The following ANO2 variants were observed in gnomAD, a reference collection of about 807,000 sequenced individuals.
ANO2 encodes anoctamin-2.
In ANO2, 101 loss-of-function variants were observed where a neutral mutation model predicts 124.2. The observed-to-expected ratio is 0.81, with a 90% CI of 0.69 to 0.96. The LOEUF is 0.96. Ranked by LOEUF, ANO2 falls within the 40% of genes least tolerant of loss-of-function variation. The pLI is 0.00. For synonymous variants in ANO2, 486 were observed against 482.5 expected, an observed-to-expected ratio of 1.01 and a Z score of -0.09; for missense variants, 1,293 against 1,274.5, an observed-to-expected ratio of 1.01 and a Z score of -0.22.
chr12:5,801,534 G>C (rs866651748), intron 9 of ANO2, among the ~76,000 whole-genome samples: 1 of 152,200 alleles, frequency 6.6e-6, no homozygotes, highest in South Asian at 2.1e-4. Flanking sequence ...GAGCCATCCT[G>C]TTTACCTAAG....
intron 10 of ANO2, among the ~76,000 whole-genome samples, chr12:5,764,102 A>T (rs1462234530): frequency 6.7e-6 from 1 of 149,826 alleles, no homozygotes; most frequent in Non-Finnish European, 1.5e-5. Flanking sequence ...GGAGAGACAT[A>T]AGAGGTAACA....
chr12:5,626,535 C>T (rs1945416559), intron 16 of ANO2, among the ~76,000 whole-genome samples: 1 of 152,086 alleles, frequency 6.6e-6, no homozygotes, highest in Non-Finnish European at 1.5e-5. Context: ...GGAGTGAGAC[C>T]CAAGGAGCGA....
At chr12:5,828,048 C>T (rs924643169) in intron 6 of ANO2, among the ~76,000 whole-genome samples, 1 of 152,176 alleles carries the variant, frequency 6.6e-6, no homozygotes, top group Non-Finnish European at 1.5e-5. Context: ...CCCGCCCCTT[C>T]GCCCCACCCT....
intron 14 of ANO2, among the ~76,000 whole-genome samples, chr12:5,702,715 T>G (rs1246678971): frequency 6.6e-6 from 1 of 152,194 alleles, no homozygotes. Flanking sequence ...TAGAATAGCT[T>G]TATGATCTTG....
intron 20 of ANO2, among the ~76,000 whole-genome samples, chr12:5,578,961 A>C (rs987641561): frequency 6.6e-6 from 1 of 152,230 alleles, no homozygotes; most frequent in Non-Finnish European, 1.5e-5. Flanking sequence ...GCACATCAAC[A>C]AGTGGGCTTG....
At chr12:5,655,385 T>A (rs1947105668) in intron 14 of ANO2, among the ~76,000 whole-genome samples, 1 of 152,192 alleles carries the variant, frequency 6.6e-6, no homozygotes, top group Non-Finnish European at 1.5e-5. Flanking sequence ...CCGCAGGACT[T>A]GTTAAAACAG....
chr12:5,668,608 T>C (rs1484874160), intron 14 of ANO2, among the ~76,000 whole-genome samples: 4 of 152,240 alleles, frequency 2.6e-5, no homozygotes, highest in Admixed American at 6.5e-5. Context: ...AATTTTGTCA[T>C]GAAATCTTTG....
At chr12:5,909,837 C>A (rs1940941310) in intron 3 of ANO2, among the ~76,000 whole-genome samples, 1 of 152,114 alleles carries the variant, frequency 6.6e-6, no homozygotes. Context: ...AAGGCTTCTC[C>A]TAGGCTTTGG....
intron 19 of ANO2, among the ~76,000 whole-genome samples, chr12:5,602,247 C>G (rs1033965715): frequency 1.4e-5 from 2 of 143,358 alleles, no homozygotes; most frequent in Non-Finnish European, 3.1e-5. Flanking sequence ...ATTAATTGAT[C>G]TAGGAACTCT....
At chr12:5,648,660 T>C (rs1946763136) in intron 14 of ANO2, among the ~76,000 whole-genome samples, 1 of 152,198 alleles carries the variant, frequency 6.6e-6, no homozygotes, top group South Asian at 2.1e-4. Flanking sequence ...GGCACTTGAT[T>C]TCTCTGAGCT....
At chr12:5,865,658 C>T (rs1955404287) in intron 3 of ANO2, among the ~76,000 whole-genome samples, 2 of 151,958 alleles carry the variant, frequency 1.3e-5, no homozygotes, top group Non-Finnish European at 2.9e-5. Context: ...ATCATGCATT[C>T]ACGCTATCGT....
chr12:5,756,418 CT>C (rs1262898472), intron 10 of ANO2, among the ~76,000 whole-genome samples: 1 of 152,094 alleles, frequency 6.6e-6, no homozygotes, highest in Non-Finnish European at 1.5e-5. Flanking sequence ...ATTCCTGATT[CT>C]TTGTGATCCT....
chr12:5,839,552 A>G (rs1307086186), intron 4 of ANO2: 2 of 455,844 alleles, frequency 4.4e-6, no homozygotes, highest in East Asian at 1.4e-4. Context: ...GGCTCTGAAC[A>G]TTTAATGAAA....
intron 20 of ANO2, among the ~76,000 whole-genome samples, chr12:5,584,922 A>G (rs944196714): frequency 2.0e-5 from 3 of 152,150 alleles, no homozygotes; most frequent in African/African-American, 4.8e-5. Flanking sequence ...AGCACATTCT[A>G]TATACTGGAG....
intron 4 of ANO2, among the ~76,000 whole-genome samples, chr12:5,836,492 A>G (rs1200280461): frequency 6.6e-6 from 1 of 152,196 alleles, no homozygotes; most frequent in Non-Finnish European, 1.5e-5. Flanking sequence ...CAGTCTCTAC[A>G]CTGGAGCCCA....
intron 9 of ANO2, among the ~76,000 whole-genome samples, chr12:5,803,210 C>T (rs1333491899): frequency 1.3e-5 from 2 of 152,176 alleles, no homozygotes. Context: ...CCAGATGCCA[C>T]ACTGACCTAT....
chr12:5,828,353 G>A (rs369298666), intron 6 of ANO2, among the ~76,000 whole-genome samples: 8 of 152,314 alleles, frequency 5.3e-5, no homozygotes, highest in African/African-American at 1.7e-4. Context: ...AGAGGGTCCT[G>A]AGCAAACGCC....
chr12:5,849,912 C>G (rs1462636114), intron 4 of ANO2, among the ~76,000 whole-genome samples: 2 of 152,130 alleles, frequency 1.3e-5, no homozygotes, highest in Non-Finnish European at 2.9e-5. Flanking sequence ...CACTAGCCCT[C>G]CACAGACAGC....
intron 14 of ANO2, among the ~76,000 whole-genome samples, chr12:5,693,086 T>C (rs1949014578): frequency 6.6e-6 from 1 of 152,070 alleles, no homozygotes. Context: ...AGACATAGGG[T>C]TCATTTAGGG....
Sources: allele counts gnomAD v4.1 joint callset (sites outside exome capture counted in the v4.1 genomes callset), GRCh38; gene constraint gnomAD v4.1.1; transcripts MANE v1.5; gene names NCBI Gene and HGNC (gene_info 2026-07-23, HGNC 2026-07-21).